Variants in HSPA12A observed in about 807,000 individuals in gnomAD.
The protein encoded by HSPA12A is heat shock 70 kDa protein 12A.
Under a neutral mutation model 69.2 loss-of-function variants are expected in HSPA12A, and 28 were observed. That is an observed-to-expected ratio of 0.40 (90% CI 0.30 to 0.55). HSPA12A has a LOEUF of 0.55. HSPA12A is among the 20% of genes least tolerant of loss of function. HSPA12A has a pLI of 0.38. For synonymous variants in HSPA12A, 345 were observed against 370.5 expected, an observed-to-expected ratio of 0.93 and a Z score of 0.79; for missense variants, 686 against 900.7, an observed-to-expected ratio of 0.76 and a Z score of 3.05.
chr10:116,763,225 G>T (rs921372553), intron 2 of HSPA12A, among the ~76,000 whole-genome samples: 1 of 152,146 alleles, frequency 6.6e-6, no homozygotes, highest in African/African-American at 2.4e-5. Flanking sequence ...CTCAGGCATG[G>T]TGGAAACTTG....
At position 116,675,043 on chromosome 10, in the gene HSPA12A, G is replaced by A. The variant is rs1383357606; in HGVS notation, c.1766C>T (p.Thr589Ile). 3.1e-6 allele frequency: 5 copies of A among 1,613,938 alleles called. No homozygotes were observed. The highest frequency in any genetic ancestry group is 3.4e-6 in the Non-Finnish European group (4 of 1,180,024). ...GACCAGCTGGGAGGGCTTGGCCGGG[G>A]TGTAGCTACGCTTGACCAGCTCACC... The part of the protein sequence containing the change: ...ALGELVKRSY[T>I]PAKPSQLVIV... The change falls in exon 12 of 12, where the codon ACC becomes ATC. Residue 589 changes from threonine to isoleucine, a missense_variant. Physicochemically the swap from Thr to Ile is moderately conservative, Grantham distance 89 (BLOSUM62 -1). Coordinates refer to ENST00000369209, the MANE Select transcript of HSPA12A (RefSeq NM_025015.3). This position sits in a 1 kb window ranked among gnomAD's most constrained non-coding sequence, Gnocchi z 5.2.
At chr10:116,809,807 T>G (rs1391208491) in intron 2 of HSPA12A, among the ~76,000 whole-genome samples, 1 of 152,200 alleles carries the variant, frequency 6.6e-6, no homozygotes, top group East Asian at 1.9e-4. Flanking sequence ...AAGACAGATG[T>G]TGCTCACCGC....
At chr10:116,808,508 A>G (rs922670042) in intron 2 of HSPA12A, among the ~76,000 whole-genome samples, 26 of 152,256 alleles carry the variant, frequency 1.7e-4, no homozygotes, top group African/African-American at 5.5e-4. Context: ...GGGCATTTCA[A>G]TCGCCCCACA....
At chr10:116,696,682 T>TC (rs1849915922) in intron 5 of HSPA12A, among the ~76,000 whole-genome samples, 1 of 152,126 alleles carries the variant, frequency 6.6e-6, no homozygotes, top group Non-Finnish European at 1.5e-5. Flanking sequence ...CTTTGAGGAC[T>TC]CCCCATTAAC....
At chr10:116,780,268 G>GT (rs1473118978) in intron 2 of HSPA12A, among the ~76,000 whole-genome samples, 2 of 152,110 alleles carry the variant, frequency 1.3e-5, no homozygotes, top group Non-Finnish European at 2.9e-5. Context: ...TAACCTTCCT[G>GT]TTTCATGGAC....
chr10:116,712,105 G>A (rs1850452303), intron 1 of HSPA12A, among the ~76,000 whole-genome samples: 1 of 152,126 alleles, frequency 6.6e-6, no homozygotes, highest in Non-Finnish European at 1.5e-5. Context: ...GCTTTCTGGG[G>A]AACAAACAAA....
chr10:116,836,890 C>G (rs1845723086), intron 1 of HSPA12A, among the ~76,000 whole-genome samples: 1 of 151,806 alleles, frequency 6.6e-6, no homozygotes, highest in Non-Finnish European at 1.5e-5. Context: ...TCTGAGAGGC[C>G]ATGAATTTGG....
chr10:116,746,267 G>C (rs1275556631), upstream of HSPA12A, among the ~76,000 whole-genome samples: 1 of 152,054 alleles, frequency 6.6e-6, no homozygotes. Flanking sequence ...CCAGCTAACT[G>C]CACCAGACAG....
intron 1 of HSPA12A, among the ~76,000 whole-genome samples, chr10:116,734,521 G>C (rs2133054497): frequency 6.6e-6 from 1 of 151,330 alleles, no homozygotes; most frequent in East Asian, 1.9e-4. Flanking sequence ...TTTTCTTATA[G>C]GGACAATGTC....
intron 1 of HSPA12A, among the ~76,000 whole-genome samples, chr10:116,718,376 C>A (rs1554884018): frequency 6.6e-6 from 1 of 152,196 alleles, no homozygotes; most frequent in Non-Finnish European, 1.5e-5. Flanking sequence ...TTCAGCTGAA[C>A]CCTCTCATGA....
At chr10:116,775,880 T>G (rs549426642) in intron 2 of HSPA12A, among the ~76,000 whole-genome samples, 16 of 152,274 alleles carry the variant, frequency 1.1e-4, no homozygotes, top group African/African-American at 3.6e-4. Flanking sequence ...TGCCTTCTAC[T>G]GTGGTCCCCA....
At chr10:116,792,164 G>A (rs191927121) in intron 2 of HSPA12A, among the ~76,000 whole-genome samples, 68 of 147,828 alleles carry the variant, frequency 4.6e-4, no homozygotes, top group South Asian at 8.5e-4. Flanking sequence ...GGGAAGCCAC[G>A]TACATGCATG....
At chr10:116,812,139 T>C (rs1308046620) in intron 2 of HSPA12A, among the ~76,000 whole-genome samples, 2 of 152,148 alleles carry the variant, frequency 1.3e-5, no homozygotes, top group African/African-American at 4.8e-5. Flanking sequence ...ACTTTGTATA[T>C]TTGCCCCCTG....
intron 1 of HSPA12A, among the ~76,000 whole-genome samples, chr10:116,725,838 C>T (rs564460558): frequency 4.6e-5 from 7 of 152,070 alleles, no homozygotes; most frequent in Non-Finnish European, 1.0e-4. Context: ...TCCCCCAACC[C>T]CTGCCACACT....
chr10:116,726,292 C>T (rs1424314107), intron 1 of HSPA12A, among the ~76,000 whole-genome samples: 1 of 152,074 alleles, frequency 6.6e-6, no homozygotes, highest in Non-Finnish European at 1.5e-5. Flanking sequence ...TGCAAGAACC[C>T]CAAAGGAAGA....
At chr10:116,782,809 TC>T (rs374473350) in intron 2 of HSPA12A, among the ~76,000 whole-genome samples, 50 of 152,316 alleles carry the variant, frequency 3.3e-4, no homozygotes, top group South Asian at 3.1e-3. Flanking sequence ...CCAACAATGT[TC>T]TACGTCTTAA....
chr10:116,735,233 G>A (rs1851278625), intron 1 of HSPA12A, among the ~76,000 whole-genome samples: 2 of 152,204 alleles, frequency 1.3e-5, no homozygotes, highest in African/African-American at 4.8e-5. Flanking sequence ...GCATAATATA[G>A]TTTTCTAAAG....
rs562162120 is a variant in HSPA12A, at chr10:116,802,526, C to T, written c.91+32409G>A. On this transcript the variant is annotated intron_variant, in intron 2 of 12. Transcript: ENST00000635765. Reference sequence around the variant, plus strand: ...GATGGAAGGTTCTTAGCAGAGGTAACAAAGGGTCACTTTCACTTTGTTTAA... The same window carrying T: ...GATGGAAGGTTCTTAGCAGAGGTAATAAAGGGTCACTTTCACTTTGTTTAA... Among the ~76,000 whole-genome samples the T allele has an allele frequency of 3.7e-3, 561 of 152,292 alleles. 6 individuals carry two copies. Among genetic ancestry groups the T allele is most frequent in the Middle Eastern group, 0.01 (3 of 294 alleles).
At chr10:116,722,270 T>A (rs1433369207) in intron 1 of HSPA12A, among the ~76,000 whole-genome samples, 1 of 151,944 alleles carries the variant, frequency 6.6e-6, no homozygotes, top group African/African-American at 2.4e-5. Context: ...CGCACAATCC[T>A]CCCCCACAGA....
Sources: gnomAD v4.1 joint callset for allele counts (sites outside exome capture counted in the v4.1 genomes callset) on GRCh38, gnomAD v4.1.1 for gene constraint, Gnocchi (gnomAD v3.1) non-coding constraint, MANE v1.5 for transcripts, NCBI Gene and HGNC (gene_info 2026-07-23, HGNC 2026-07-21) for gene names.